The following SNRPA1 variants were observed in gnomAD, a reference collection of about 807,000 sequenced individuals.
The protein encoded by SNRPA1 is small nuclear ribonucleoprotein polypeptide A'.
Under a neutral mutation model 32.3 loss-of-function variants are expected in SNRPA1, and 5 were observed. That is an observed-to-expected ratio of 0.15 (90% CI 0.08 to 0.33). The LOEUF (loss-of-function observed/expected upper bound fraction) is 0.33. Ranked by LOEUF, SNRPA1 falls within the 10% of genes least tolerant of loss-of-function variation. SNRPA1 has a pLI of 1.00. For missense variants in SNRPA1, 198 were observed against 311.1 expected (o/e 0.64, Z 2.74); for synonymous variants, 111 against 120.1 (o/e 0.92, Z 0.50).
At position 101,291,134 on chromosome 15, in the gene SNRPA1, G is replaced by A. The variant is rs145701101; in HGVS notation, c.309+828C>T. The stretch of plus-strand genomic sequence containing the variant: ...GGGCTCAAGTGATCCTCCCACCTTG[G>A]CTTCCCAAAGTGCTTGGATTACAGG... On this transcript the variant is annotated intron_variant, in intron 3 of 8. Coordinates refer to ENST00000254193, the MANE Select transcript of SNRPA1 (RefSeq NM_003090.4). Among the ~76,000 whole-genome samples, 461 of 152,322 alleles carry A rather than the reference G, an allele frequency of 3.0e-3. 3 individuals carry two copies. Among genetic ancestry groups the A allele is most frequent in the African/African-American group, 0.011 (444 of 41,562 alleles).
intron 1 of SNRPA1, among the ~76,000 whole-genome samples, chr15:101,293,834 C>T (rs960860717): frequency 2.0e-5 from 3 of 152,150 alleles, no homozygotes; most frequent in African/African-American, 7.2e-5. Context: ...AGAACTTACC[C>T]AAAGTTAAAG....
chr15:101,286,158 G>T, intron 6 of SNRPA1, 56 bp downstream of exon 6: 1 of 1,431,538 alleles, frequency 7.0e-7, no homozygotes, highest in Non-Finnish European at 9.8e-7. Flanking sequence ...CTGCCAGACA[G>T]ATCAGATCAT....
intron 7 of SNRPA1, 21 bp from the exon 8 acceptor site, chr15:101,285,081 G>A: frequency 6.4e-7 from 1 of 1,558,104 alleles, no homozygotes; most frequent in Non-Finnish European, 8.9e-7. Context: ...GAGGGCAATG[G>A]AGATGGATGA....
chr15:101,293,769 G>C (rs1469438272), intron 1 of SNRPA1, among the ~76,000 whole-genome samples: 1 of 152,194 alleles, frequency 6.6e-6, no homozygotes, highest in East Asian at 1.9e-4. Context: ...CATAATTATT[G>C]TGTTAGGCAC....
chr15:101,286,717 A>G, intron 5 of SNRPA1, 191 bp downstream of exon 5: 1 of 526,676 alleles, frequency 1.9e-6, no homozygotes, highest in South Asian at 2.3e-5. Context: ...TACATAAGAG[A>G]GCTCCAACTT....
At position 101,292,038 on chromosome 15, in the gene SNRPA1, C is replaced by A; in HGVS notation, c.233G>T (p.Arg78Leu). The A allele has an allele frequency of 6.2e-7, 1 of 1,604,896 alleles. No homozygotes were observed. Among genetic ancestry groups the A allele is most frequent in the Non-Finnish European group, 8.5e-7 (1 of 1,172,058 alleles). The change falls in exon 3 of 9, where the codon CGT becomes CTT. Residue 78 changes from arginine (R) to leucine (L), a missense_variant and splice_region_variant. Arg to Leu is a moderately radical substitution (Grantham distance 102, BLOSUM62 -2). Around this residue, in one of 3 missense-constraint regions of SNRPA1, gnomAD observed 119 missense variants for 171.6 expected, o/e 0.69. Coordinates refer to ENST00000254193, the MANE Select transcript of SNRPA1 (RefSeq NM_003090.4). ...TLLVNNNRIC[R>L]IGEGLDQALP... The stretch of plus-strand genomic sequence containing the variant: ...AGCCTGATCAAGTCCCTCACCTATA[C>A]GGCTAAAATAAAAATAGAGTCTTAG...
At chr15:101,292,926 A>G (rs1346828043) in intron 2 of SNRPA1, 99 bp downstream of exon 2, 1 of 647,570 alleles carries the variant, frequency 1.5e-6, no homozygotes, top group Non-Finnish European at 2.4e-6. Flanking sequence ...AGAAAAAGAA[A>G]CATGTAGGTT....
chr15:101,294,428 G>A (rs2039563648), intron 1 of SNRPA1, among the ~76,000 whole-genome samples: 1 of 152,208 alleles, frequency 6.6e-6, no homozygotes, highest in South Asian at 2.1e-4. Context: ...ATGCCAACTA[G>A]CTAGCTGCCC....
chr15:101,293,772 T>C (rs2039554590), intron 1 of SNRPA1, among the ~76,000 whole-genome samples: 1 of 152,218 alleles, frequency 6.6e-6, no homozygotes, highest in Non-Finnish European at 1.5e-5. Flanking sequence ...AATTATTGTG[T>C]TAGGCACTAT....
At position 101,292,025 on chromosome 15, in the gene SNRPA1, T is replaced by C. The variant is rs143737418; in HGVS notation, c.246A>G (p.Gly82=). 317 of 1,611,040 alleles carry C rather than the reference T, an allele frequency of 2.0e-4. No individual in the cohort carries two copies. The highest frequency in any genetic ancestry group is 2.5e-4 in the Non-Finnish European group (300 of 1,177,420). ...NNNRICRIGE[G]LDQALPCLTE... ...TCAGACAGGGCAGAGCCTGATCAAGTCCCTCACCTATACGGCTAAAATAAA... is the reference window on the plus strand; with the variant it reads ...TCAGACAGGGCAGAGCCTGATCAAGCCCCTCACCTATACGGCTAAAATAAA... The change falls in exon 3 of 9, where the codon GGA becomes GGG. Residue 82 remains glycine, a synonymous_variant. Transcript: ENST00000254193.
chr15:101,283,779 A>C (rs1268511777), intron 8 of SNRPA1, among the ~76,000 whole-genome samples: 1 of 152,188 alleles, frequency 6.6e-6, no homozygotes, highest in African/African-American at 2.4e-5. Flanking sequence ...CGCTGTCTCT[A>C]CTAAAAATTA....
In SNRPA1 at chr15:101,286,889, G is replaced by C; in HGVS notation, c.459+19C>G. ...CACACAACTCTATAATGGCTCACAA[G>C]CAACAGATTACTACTTACTTTTAGT... On this transcript the variant is annotated intron_variant, in intron 5 of 8. Coordinates refer to ENST00000254193, the MANE Select transcript of SNRPA1 (RefSeq NM_003090.4). 2.3e-6 allele frequency: 3 copies of C among 1,285,898 alleles called. No individual in the cohort carries two copies. The highest frequency in any genetic ancestry group is 2.3e-5 in the East Asian group (1 of 42,848). The allele number at this position is 1,285,898 out of a possible 1,614,324, so 79.7% of individuals were successfully genotyped here.
Position 101,286,882 on chromosome 15 carries a change from C to T in SNRPA1, c.459+26G>A, listed in dbSNP as rs200643183. 9.2e-6 allele frequency: 11 copies of T among 1,192,936 alleles called. 1 individual carries two copies. The highest frequency in any genetic ancestry group is 1.9e-4 in the Middle Eastern group (1 of 5,286). The allele number at this position is 1,192,936 out of a possible 1,614,324, so 73.9% of individuals were successfully genotyped here. On this transcript the variant is annotated intron_variant, in intron 5 of 8. Coordinates refer to ENST00000254193, the MANE Select transcript of SNRPA1 (RefSeq NM_003090.4). ...AGAAAAACACACAACTCTATAATGG[C>T]TCACAAGCAACAGATTACTACTTAC...
At chr15:101,288,781 A>G (rs1042892478) in intron 3 of SNRPA1, among the ~76,000 whole-genome samples, 2 of 152,206 alleles carry the variant, frequency 1.3e-5, no homozygotes, top group African/African-American at 2.4e-5. Flanking sequence ...GCCGTCTTAC[A>G]AACTGGAGAA....
chr15:101,287,056 G>T, intron 4 of SNRPA1, 46 bp from the exon 5 acceptor site: 1 of 982,934 alleles, frequency 1.0e-6, no homozygotes, highest in Non-Finnish European at 1.6e-6. Context: ...TCATGGCACA[G>T]CACTCAAGAG....
chr15:101,294,228 C>T (rs1278902127), intron 1 of SNRPA1, among the ~76,000 whole-genome samples: 1 of 152,230 alleles, frequency 6.6e-6, no homozygotes, highest in Non-Finnish European at 1.5e-5. Flanking sequence ...AAGAGCGAGA[C>T]TCCATCTCAA....
At chr15:101,292,153 C>A in intron 2 of SNRPA1, 113 bp from the exon 3 acceptor site, 1 of 731,080 alleles carries the variant, frequency 1.4e-6, no homozygotes, top group Non-Finnish European at 2.3e-6. Flanking sequence ...TCTTCCAACA[C>A]CCTGATAAAG....
At position 101,288,920 on chromosome 15, in the gene SNRPA1, C is replaced by T. The variant is rs74041966; in HGVS notation, c.310-1218G>A. On this transcript the variant is annotated intron_variant, in intron 3 of 8. Transcript: ENST00000254193. The stretch of plus-strand genomic sequence containing the variant: ...TCTTAATAGAAATCATGTCCCAACA[C>T]GGCCCTGCCCTGAAGAGAAACTGCT... Among the ~76,000 whole-genome samples the T allele has an allele frequency of 9.7e-3, 1,473 of 152,300 alleles. 24 individuals are homozygous for T. The highest frequency in any genetic ancestry group is 0.033 in the African/African-American group (1,364 of 41,552).
At chr15:101,292,994 G>A in intron 2 of SNRPA1, 31 bp downstream of exon 2, 1 of 1,530,256 alleles carries the variant, frequency 6.5e-7, no homozygotes, top group Non-Finnish European at 8.8e-7. Context: ...TACTCTAGGG[G>A]AAAAAATTAC....
Sources: gnomAD v4.1 joint callset for allele counts (sites outside exome capture counted in the v4.1 genomes callset) on GRCh38, gnomAD v4.1.1 for gene constraint, gnomAD v4.1.1 regional missense constraint, MANE v1.5 for transcripts, NCBI Gene and HGNC (gene_info 2026-07-23, HGNC 2026-07-21) for gene names.